The following EFR3B variants were observed in gnomAD, a reference collection of about 807,000 sequenced individuals.
EFR3B encodes EFR3 homolog B, also known as protein EFR3 homolog B.
EFR3B carries 64 observed loss-of-function variants against 104.7 expected under a neutral mutation model. The observed-to-expected ratio is 0.61, with a 90% CI of 0.50 to 0.75. EFR3B has a LOEUF of 0.75. Ranked by LOEUF, EFR3B falls within the 30% of genes least tolerant of loss-of-function variation. The pLI is 0.00. For synonymous variants in EFR3B, 385 were observed against 417.9 expected (o/e 0.92, Z 0.96); for missense variants, 750 against 1,078.5 (o/e 0.70, Z 4.27).
At chr2:25,139,629 C>CTCAGAT (rs1670609138) in intron 16 of EFR3B, among the ~76,000 whole-genome samples, 2 of 152,098 alleles carry the variant, frequency 1.3e-5, no homozygotes, top group East Asian at 1.9e-4. Flanking sequence ...CAAAGGTGGC[C>CTCAGAT]CGAGTAGAAT....
At chr2:25,052,636 G>A (rs1667906731) in intron 1 of EFR3B, among the ~76,000 whole-genome samples, 1 of 149,486 alleles carries the variant, frequency 6.7e-6, no homozygotes, top group South Asian at 2.2e-4. Flanking sequence ...TGAGTAGCTG[G>A]GATTAACAGG....
chr2:25,090,982 C>T (rs1022538351), intron 1 of EFR3B, among the ~76,000 whole-genome samples: 5 of 152,194 alleles, frequency 3.3e-5, no homozygotes, highest in Admixed American at 6.5e-5. Flanking sequence ...GCACAGTAGG[C>T]GGGCGCAGCA....
intron 5 of EFR3B, among the ~76,000 whole-genome samples, chr2:25,125,929 G>A (rs753015350): frequency 5.9e-5 from 9 of 152,006 alleles, no homozygotes; most frequent in African/African-American, 1.5e-4. Flanking sequence ...GCGAGACTCC[G>A]TCTCAAAAAA....
intron 17 of EFR3B, 23 bp from the exon 18 acceptor site, chr2:25,143,712 T>G (rs765161731): frequency 6.4e-7 from 1 of 1,550,984 alleles, no homozygotes; most frequent in South Asian, 1.2e-5. Context: ...TCTAACGAAC[T>G]TTCTCCCTCC....
At chr2:25,107,700 A>G (rs1669603947) in intron 4 of EFR3B, among the ~76,000 whole-genome samples, 2 of 151,774 alleles carry the variant, frequency 1.3e-5, no homozygotes, top group African/African-American at 2.4e-5. Context: ...CTTGTGCTTG[A>G]TTACCCCAAG....
intron 1 of EFR3B, among the ~76,000 whole-genome samples, chr2:25,072,208 C>T (rs1195799224): frequency 6.6e-6 from 1 of 152,334 alleles, no homozygotes. Flanking sequence ...GGCTGTTACT[C>T]AGTGCTTGGG....
rs752858778 is a variant in EFR3B at position 25,154,673 on chromosome 2, G to A, written c.*333G>A. On this transcript the variant is annotated 3_prime_UTR_variant, in exon 23 of 23. Coordinates refer to ENST00000403714, the MANE Select transcript of EFR3B (RefSeq NM_014971.2). This position sits in a 1 kb window ranked among gnomAD's most constrained non-coding sequence, Gnocchi z 4.1. ...GAAGCTCCTACTTGGTGTTTTGAGT[G>A]AAGGGCATGTCCTCCCCAGAGGACG... is the stretch of plus-strand genomic sequence containing the variant. 1.4e-4 allele frequency: 36 copies of A among 259,286 alleles called. No homozygotes were observed. The highest frequency in any genetic ancestry group is 1.2e-3 in the Middle Eastern group (1 of 814). 16.1% of individuals were successfully genotyped at this position (259,286 alleles called of 1,614,324 possible).
intron 4 of EFR3B, among the ~76,000 whole-genome samples, chr2:25,120,730 G>T (rs187105111): frequency 6.6e-6 from 1 of 152,204 alleles, no homozygotes; most frequent in Non-Finnish European, 1.5e-5. Flanking sequence ...GTTCATGACT[G>T]TTGCTTCTCT....
At chr2:25,094,282 CAAAAAAAAAAA>C (rs11455802) in intron 3 of EFR3B, among the ~76,000 whole-genome samples, 21 of 91,678 alleles carry the variant, frequency 2.3e-4, no homozygotes, top group African/African-American at 1.0e-3. Flanking sequence ...GAGACTGTCT[CAAAAAAAAAAA>C]AAAAAAAAGA....
At chr2:25,134,295 G>C (rs1035148010) in intron 12 of EFR3B, among the ~76,000 whole-genome samples, 1 of 151,810 alleles carries the variant, frequency 6.6e-6, no homozygotes, top group African/African-American at 2.4e-5. Context: ...TTCTTGAGTA[G>C]CTGGGATTAC....
rs985696956 is a variant in EFR3B at position 25,133,375 on chromosome 2, G to C, written c.1260-8G>C. On this transcript the variant is annotated splice_polypyrimidine_tract_variant and splice_region_variant and intron_variant, in intron 11 of 22. Coordinates refer to ENST00000403714, the MANE Select transcript of EFR3B (RefSeq NM_014971.2). ...ATCCTGGTGAGTGTTTGTGTCTCTG[G>C]TCTACAGGGAGAATAGGAACCGTCT... 8 of 1,552,212 alleles carry C rather than the reference G, an allele frequency of 5.2e-6. No homozygotes were observed. Among genetic ancestry groups the C allele is most frequent in the Non-Finnish European group, 7.0e-6 (8 of 1,147,122 alleles).
intron 1 of EFR3B, among the ~76,000 whole-genome samples, chr2:25,059,582 G>A (rs1043593287): frequency 2.9e-5 from 4 of 139,706 alleles, no homozygotes; most frequent in African/African-American, 7.7e-5. Context: ...CGGGGGGGGG[G>A]GGGGTGGAGA....
At chr2:25,079,929 A>G (rs569651762) in intron 1 of EFR3B, 51 of 1,400,858 alleles carry the variant, frequency 3.6e-5, no homozygotes, top group Non-Finnish European at 2.3e-5. Flanking sequence ...TTTCACATCC[A>G]CATGTGCTTG....
chr2:25,154,088 G>A lies in EFR3B; in HGVS notation c.2349-147G>A, dbSNP rs769873045. The A allele has an allele frequency of 7.2e-5, 51 of 711,876 alleles. No homozygotes were observed. Among genetic ancestry groups the A allele is most frequent in the Non-Finnish European group, 1.0e-4 (45 of 430,372 alleles). 44.1% of individuals were successfully genotyped at this position (711,876 alleles called of 1,614,324 possible). ...TCCAAGCTGTAGATTCTAGTAGAAC[G>A]TGGAATCCTGGGAACCTGTGGAATG... is the stretch of plus-strand genomic sequence containing the variant. On this transcript the variant is annotated intron_variant, in intron 22 of 22. Coordinates refer to ENST00000403714, the MANE Select transcript of EFR3B (RefSeq NM_014971.2). This position sits in a 1 kb window ranked among gnomAD's most constrained non-coding sequence, Gnocchi z 4.1.
chr2:25,053,705 C>A (rs1308177637), intron 1 of EFR3B, among the ~76,000 whole-genome samples: 2 of 152,182 alleles, frequency 1.3e-5, no homozygotes, highest in Non-Finnish European at 2.9e-5. Flanking sequence ...GAGATTGAGA[C>A]CATCCTGGCC....
At chr2:25,127,067 C>G (rs965436281) in intron 5 of EFR3B, among the ~76,000 whole-genome samples, 4 of 151,612 alleles carry the variant, frequency 2.6e-5, no homozygotes, top group Admixed American at 2.0e-4. Context: ...TGGCACATGC[C>G]TGTAATCCCA....
At chr2:25,043,252 G>A (rs1465649289) in intron 1 of EFR3B, among the ~76,000 whole-genome samples, 1 of 152,138 alleles carries the variant, frequency 6.6e-6, no homozygotes, top group African/African-American at 2.4e-5. Flanking sequence ...TCTAGTGCCA[G>A]CAAAATAATT....
intron 1 of EFR3B, among the ~76,000 whole-genome samples, chr2:25,068,364 A>G (rs558752426): frequency 6.6e-6 from 1 of 152,226 alleles, no homozygotes; most frequent in Non-Finnish European, 1.5e-5. Flanking sequence ...TGAGACATTA[A>G]TAACAATTTG....
intron 1 of EFR3B, among the ~76,000 whole-genome samples, chr2:25,083,345 T>G (rs1030278348): frequency 1.3e-5 from 2 of 152,234 alleles, no homozygotes; most frequent in Admixed American, 6.5e-5. Context: ...AGGCATATAG[T>G]TGTGAGTTAA....
Sources: gnomAD v4.1 joint callset for allele counts (sites outside exome capture counted in the v4.1 genomes callset) on GRCh38, gnomAD v4.1.1 for gene constraint, Gnocchi (gnomAD v3.1) non-coding constraint, MANE v1.5 for transcripts, NCBI Gene and HGNC (gene_info 2026-07-23, HGNC 2026-07-21) for gene names.